The following DNAAF5 variants were observed in gnomAD, a reference collection of about 807,000 sequenced individuals.
The protein encoded by DNAAF5 is dynein axonemal assembly factor 5, also known as HEAT repeat containing 2.
DNAAF5 carries 64 observed loss-of-function variants against 75.8 expected under a neutral mutation model. The observed-to-expected ratio is 0.84, with a 90% CI of 0.69 to 1.04. The LOEUF is 1.04. Ranked by LOEUF, DNAAF5 falls within the 50% of genes least tolerant of loss-of-function variation. DNAAF5 has a pLI of 0.00. For synonymous variants in DNAAF5, 657 were observed against 557.2 expected (o/e 1.18, Z -2.52); for missense variants, 1,269 against 1,178.5 (o/e 1.08, Z -1.12).
rs141546584 is a variant in DNAAF5, at chr7:745,009, G to A, written c.1024+3544G>A. Reference sequence around the variant, plus strand: ...ATCAGTGATGGGAGTGGAATCCCACGCGTGCTGTGGTGCTCTGTCAGTGCC... The same window carrying A: ...ATCAGTGATGGGAGTGGAATCCCACACGTGCTGTGGTGCTCTGTCAGTGCC... On this transcript the variant is annotated intron_variant, in intron 4 of 12. Coordinates refer to ENST00000297440, the MANE Select transcript of DNAAF5 (RefSeq NM_017802.4). Among the ~76,000 whole-genome samples, 344 of 152,286 alleles carry A rather than the reference G, an allele frequency of 2.3e-3. 2 individuals are homozygous for A. The highest frequency in any genetic ancestry group is 4.3e-3 in the African/African-American group (177 of 41,558).
rs557150428 is a variant in DNAAF5 at position 784,251 on chromosome 7, C to T, written c.2432-1266C>T. 2.0e-4 allele frequency among the ~76,000 whole-genome samples: 31 copies of T among 152,350 alleles called. 1 individual carries two copies. The East Asian group carries it at 5.8e-3, about 28-fold the overall frequency. ...TTCCCTCGCCCATGTGGGCCCCTCA[C>T]TGCTCCTCTGCTGTGTCTGCACCGC... On this transcript the variant is annotated intron_variant, in intron 12 of 12. Coordinates refer to ENST00000297440, the MANE Select transcript of DNAAF5 (RefSeq NM_017802.4).
At chr7:775,544 C>T (rs1454152436) in intron 11 of DNAAF5, among the ~76,000 whole-genome samples, 1 of 149,416 alleles carries the variant, frequency 6.7e-6, no homozygotes, top group Non-Finnish European at 1.5e-5. Flanking sequence ...GTGTGTATGG[C>T]TACATATATA....
chr7:735,160 TTCATGGTGTAGCTGC>T (rs1426513905), intron 2 of DNAAF5, among the ~76,000 whole-genome samples: 26 of 150,728 alleles, frequency 1.7e-4, no homozygotes, highest in East Asian at 9.8e-4. Flanking sequence ...CACGGTGTAG[TTCATGGTGTAGCTGC>T]TCATGGTGTA....
intron 12 of DNAAF5, 44 bp downstream of exon 12, chr7:780,188 G>A (rs372498061): frequency 1.5e-4 from 242 of 1,570,740 alleles, no homozygotes; most frequent in African/African-American, 2.8e-4. Flanking sequence ...GCCTGCTTTC[G>A]GCGCCTGCCA....
At chr7:757,442 C>G (rs1454939537) in intron 6 of DNAAF5, among the ~76,000 whole-genome samples, 1 of 152,224 alleles carries the variant, frequency 6.6e-6, no homozygotes, top group Non-Finnish European at 1.5e-5. Context: ...GTCCACCATC[C>G]CATCCAGTCC....
Position 756,827 on chromosome 7 carries a change from G to C in DNAAF5, c.1303G>C (p.Val435Leu), listed in dbSNP as rs1209092450. The C allele has an allele frequency of 2.5e-6, 4 of 1,613,902 alleles. No individual in the cohort carries two copies. In the South Asian group the frequency reaches 4.4e-5, roughly 18 times the overall value. ...ELVGTFVSPE[V>L]FLKLILSTLK... ...CGTCGGGACGTTTGTCAGCCCTGAG[G>C]TGTTTCTGAAGCTGATCTTATCGAC... The change falls in exon 6 of 13, where the codon GTG (valine) becomes CTG (leucine). Residue 435 changes from valine to leucine, a missense_variant. Val to Leu is a conservative substitution (Grantham distance 32). Coordinates refer to ENST00000297440, the MANE Select transcript of DNAAF5 (RefSeq NM_017802.4).
At chr7:759,598 TTA>T (rs1261225233) in intron 6 of DNAAF5, among the ~76,000 whole-genome samples, 1 of 152,248 alleles carries the variant, frequency 6.6e-6, no homozygotes, top group Non-Finnish European at 1.5e-5. Context: ...ATACTGAGAA[TTA>T]TTTCCTGCTG....
chr7:738,698 G>T (rs1781809691), intron 2 of DNAAF5, among the ~76,000 whole-genome samples: 1 of 152,190 alleles, frequency 6.6e-6, no homozygotes, highest in Admixed American at 6.5e-5. Flanking sequence ...ATTGGAATTT[G>T]CAGGTTTCTT....
intron 4 of DNAAF5, among the ~76,000 whole-genome samples, chr7:745,086 T>A (rs1029904611): frequency 2.0e-5 from 3 of 152,208 alleles, no homozygotes; most frequent in Non-Finnish European, 4.4e-5. Flanking sequence ...ACCTTTAAGC[T>A]AAGCTGTGGG....
At position 786,433 on chromosome 7, in the gene DNAAF5, A is replaced by G. The variant is rs147944601; in HGVS notation, c.*780A>G. 1 of 152,382 alleles carries G rather than the reference A, an allele frequency of 6.6e-6. No individual in the cohort carries two copies. Among genetic ancestry groups the G allele is most frequent in the East Asian group, 1.9e-4 (1 of 5,190 alleles). The allele number at this position is 152,382 out of a possible 1,614,324, so 9.4% of individuals were successfully genotyped here. A position where few individuals can be genotyped will look rare whatever the true frequency, so the allele number is the denominator to read the frequency against. Reference sequence around the variant, plus strand: ...TATTTTTCAACAAATATTAACGTTTATACTTTCATGTTTGAAAATTTAATT... The same window carrying G: ...TATTTTTCAACAAATATTAACGTTTGTACTTTCATGTTTGAAAATTTAATT... On this transcript the variant is annotated 3_prime_UTR_variant, in exon 13 of 13. Transcript: ENST00000297440.
rs181614711 is a variant in DNAAF5, at chr7:758,934, C to T, written c.1470+1940C>T. ...CTGACTTCAAGTGATCAGCCCACCTCGGCCTCCCAAAGTGCTGGGATTACA... is the reference window on the plus strand; with the variant it reads ...CTGACTTCAAGTGATCAGCCCACCTTGGCCTCCCAAAGTGCTGGGATTACA... On this transcript the variant is annotated intron_variant, in intron 6 of 12. Transcript: ENST00000297440. 5.5e-3 allele frequency among the ~76,000 whole-genome samples: 840 copies of T among 152,244 alleles called. 13 individuals carry two copies. Among genetic ancestry groups the T allele is most frequent in the African/African-American group, 0.019 (792 of 41,528 alleles).
Position 775,162 on chromosome 7 carries a change from G to A in DNAAF5, c.2239G>A (p.Glu747Lys). The change falls in exon 11 of 13, where the codon GAA becomes AAA. Residue 747 changes from glutamate to lysine, a missense_variant and splice_region_variant. By Grantham distance (56) the Glu-to-Lys change is moderately conservative (BLOSUM62 1). Transcript: ENST00000297440. ...DPEKLIRIYP[E>K]LLKRLDDVSN... ...AGAGAAACTCATCAGGATTTATCCTGGTAGGACATTTCTGTTGTTCACAGC... is the reference window on the plus strand; with the variant it reads ...AGAGAAACTCATCAGGATTTATCCTAGTAGGACATTTCTGTTGTTCACAGC... The A allele has an allele frequency of 6.2e-7, 1 of 1,613,962 alleles. No homozygotes were observed. The highest frequency in any genetic ancestry group is 8.5e-7 in the Non-Finnish European group (1 of 1,179,880).
At position 754,498 on chromosome 7, in the gene DNAAF5, ACAGGT is replaced by A; in HGVS notation, c.1025-90_1025-86del. On this transcript the variant is annotated intron_variant, in intron 4 of 12. Transcript: ENST00000297440. The surrounding 1 kb of genome is among the most constrained non-coding windows in gnomAD (Gnocchi z 4.8). ...TTTTGAAATGGTGAGGTTGAAACTC[ACAGGT>A]GTCCCTTAAATGTGATGTGCGGTAA... The A allele has an allele frequency of 9.4e-7, 1 of 1,059,294 alleles. No individual in the cohort carries two copies. Among genetic ancestry groups the A allele is most frequent in the Non-Finnish European group, 1.4e-6 (1 of 694,386 alleles). 65.6% of individuals were successfully genotyped at this position (1,059,294 alleles called of 1,614,324 possible).
At chr7:741,266 T>A (rs1432063604) in intron 3 of DNAAF5, 81 bp from the exon 4 acceptor site, 3 of 1,037,506 alleles carry the variant, frequency 2.9e-6, no homozygotes, top group Non-Finnish European at 4.3e-6. Flanking sequence ...GGTCTTTGGG[T>A]GACCCGTGTC....
chr7:760,354 A>G (rs142038766), intron 6 of DNAAF5, among the ~76,000 whole-genome samples: 1 of 152,342 alleles, frequency 6.6e-6, no homozygotes, highest in Non-Finnish European at 1.5e-5. Context: ...CCCATTAGTA[A>G]AAACAGTTTT....
At chr7:748,741 G>C (rs1782198570) in intron 4 of DNAAF5, among the ~76,000 whole-genome samples, 1 of 152,190 alleles carries the variant, frequency 6.6e-6, no homozygotes, top group Admixed American at 6.5e-5. Flanking sequence ...TCTGCACCCA[G>C]AGGCGGTGAG....
intron 2 of DNAAF5, 150 bp from the exon 3 acceptor site, chr7:740,669 T>C (rs1781875433): frequency 8.0e-6 from 9 of 1,123,794 alleles, no homozygotes; most frequent in African/African-American, 1.5e-5. Context: ...GTCTTGGGGA[T>C]GGCATCTAGG....
intron 12 of DNAAF5, among the ~76,000 whole-genome samples, chr7:780,983 T>A (rs567488080): frequency 6.6e-6 from 1 of 152,184 alleles, no homozygotes; most frequent in Non-Finnish European, 1.5e-5. Context: ...GTAAATCACA[T>A]TGGGGAAATG....
chr7:763,077 G>A (rs1453488490), intron 7 of DNAAF5, among the ~76,000 whole-genome samples: 2 of 152,094 alleles, frequency 1.3e-5, no homozygotes, highest in African/African-American at 2.4e-5. Context: ...GGAGATTTAC[G>A]GCCTGAATGT....
Sources: allele counts gnomAD v4.1 joint callset (sites outside exome capture counted in the v4.1 genomes callset), GRCh38; gene constraint gnomAD v4.1.1; non-coding constraint Gnocchi (gnomAD v3.1); transcripts MANE v1.5; gene names NCBI Gene and HGNC (gene_info 2026-07-23, HGNC 2026-07-21).